Variants in SOAT2 observed in about 807,000 individuals in gnomAD.
SOAT2 encodes the protein sterol O-acyltransferase 2, also known as ACAT-2.
A neutral mutation model predicts 76.0 loss-of-function variants in SOAT2; 87 were observed. That is an observed-to-expected ratio of 1.14 (90% CI 0.96 to 1.37). The LOEUF (loss-of-function observed/expected upper bound fraction) is 1.37. SOAT2 is among the 40% of genes most tolerant of loss of function. The pLI is 0.00. For missense variants in SOAT2, 686 were observed against 682.1 expected (o/e 1.01, Z -0.06); for synonymous variants, 285 against 275.4 (o/e 1.03, Z -0.34).
At chr12:53,105,387 C>T (rs1469740864) in intron 3 of SOAT2, 144 bp downstream of exon 3, 1 of 1,238,920 alleles carries the variant, frequency 8.1e-7, no homozygotes, top group Non-Finnish European at 1.1e-6. Flanking sequence ...CACTGACCTC[C>T]ATCTACTGGG....
intron 5 of SOAT2, among the ~76,000 whole-genome samples, chr12:53,111,823 G>A (rs1264409884): frequency 1.3e-5 from 2 of 152,084 alleles, no homozygotes; most frequent in African/African-American, 4.8e-5. Context: ...CATTTGACTA[G>A]TCTTTCCTTT....
chr12:53,119,275 T>C (rs1460937582), intron 10 of SOAT2, 22 bp downstream of exon 10: 1 of 1,612,944 alleles, frequency 6.2e-7, no homozygotes. Context: ...AAGGTAGGGC[T>C]AGAGCAGCTG....
At chr12:53,112,065 G>A (rs928736343) in intron 5 of SOAT2, among the ~76,000 whole-genome samples, 3 of 152,162 alleles carry the variant, frequency 2.0e-5, no homozygotes, top group African/African-American at 7.2e-5. Context: ...TTTTCAAAAA[G>A]GGAGAATTAT....
chr12:53,116,291 C>A, intron 7 of SOAT2, 125 bp downstream of exon 7: 1 of 774,878 alleles, frequency 1.3e-6, no homozygotes. Context: ...CAGGCACAGC[C>A]CTGGCATCCA....
intron 5 of SOAT2, among the ~76,000 whole-genome samples, chr12:53,111,329 G>A (rs12227928): frequency 0.19 from 28,281 of 151,842 alleles, 3,349 homozygotes; most frequent in African/African-American, 0.35. Flanking sequence ...GGATGGTCTC[G>A]ATCTCCTGAC....
chr12:53,117,329 T>C lies in SOAT2; in HGVS notation c.779-1021T>C, dbSNP rs769241222. Among the ~76,000 whole-genome samples the C allele has an allele frequency of 1.2e-3, 171 of 142,872 alleles. 1 individual carries two copies. Among genetic ancestry groups the C allele is most frequent in the Middle Eastern group, 7.4e-3 (2 of 270 alleles). 93.7% of individuals were successfully genotyped at this position (142,872 alleles called of 152,430 possible). On this transcript the variant is annotated intron_variant, in intron 7 of 14. Transcript: ENST00000301466. ...TATGTTGCCCAGGCTGGTCTTGAACTCCTGGGCTTAAGCAATCCTCCTGCC... is the reference window on the plus strand; with the variant it reads ...TATGTTGCCCAGGCTGGTCTTGAACCCCTGGGCTTAAGCAATCCTCCTGCC...
chr12:53,103,941 T>C (rs1937882670), intron 1 of SOAT2, among the ~76,000 whole-genome samples: 1 of 152,172 alleles, frequency 6.6e-6, no homozygotes, highest in South Asian at 2.1e-4. Flanking sequence ...TTCCCAGTAA[T>C]GTCACCAGGC....
chr12:53,106,562 A>C (rs11170416), intron 5 of SOAT2, among the ~76,000 whole-genome samples: 28,365 of 152,138 alleles, frequency 0.19, 3,369 homozygotes, highest in African/African-American at 0.34. Context: ...CATACCTCCC[A>C]CTATTCCCAG....
In SOAT2 at chr12:53,103,635, C is replaced by A; in HGVS notation, c.58C>A (p.Arg20=). The stretch of plus-strand genomic sequence containing the variant: ...GAGGACAGAAGGGCTGGGAGGGGAG[C>A]GGGAGCGCCAACCCTGTGGAGATGG... ...LQRTEGLGGE[R]ERQPCGDGNT... The change falls in exon 1 of 15, where the codon CGG becomes AGG. Residue 20 remains arginine, a synonymous_variant. Transcript: ENST00000301466. The A allele has an allele frequency of 6.5e-7, 1 of 1,541,500 alleles. No homozygotes were observed.
At position 53,123,834 on chromosome 12, in the gene SOAT2, C is replaced by A. The variant is rs1316243834; in HGVS notation, c.1479C>A (p.Cys493Ter). 1 of 1,614,160 alleles carries A rather than the reference C, an allele frequency of 6.2e-7. No homozygotes were observed. The highest frequency in any genetic ancestry group is 1.3e-5 in the African/African-American group (1 of 75,018). ...LGQGIQVSLY[C>*]QEWYARRHCP... ...AGGGAATCCAGGTCAGCCTGTACTG[C>A]CAGGAGTGGTACGCACGGCGGCACT... Residue 493 changes from cysteine to a stop codon, truncating the protein, a stop_gained, in exon 14 of 15, where the codon TGC becomes TGA. Transcript: ENST00000301466. LOFTEE classifies it high-confidence loss of function.
intron 1 of SOAT2, 152 bp from the exon 2 acceptor site, chr12:53,103,999 C>T (rs1937884404): frequency 1.3e-6 from 1 of 768,166 alleles, no homozygotes; most frequent in African/African-American, 1.7e-5. Flanking sequence ...GCAACTTCCC[C>T]TTCTAGTAGC....
In SOAT2 at chr12:53,106,142, T is replaced by C. The variant is rs529236402; in HGVS notation, c.443+128T>C. ...TTTGGTTATTGGACATGTACCAACA[T>C]TGCTCCCAACAACCTTTCCACCTGA... is the stretch of plus-strand genomic sequence containing the variant. On this transcript the variant is annotated intron_variant, in intron 5 of 14. Transcript: ENST00000301466. 1.3e-5 allele frequency: 8 copies of C among 629,810 alleles called. No homozygotes were observed. The East Asian group carries it at 2.2e-4, about 17-fold the overall frequency. The allele number at this position is 629,810 out of a possible 1,614,324, so 39.0% of individuals were successfully genotyped here.
intron 5 of SOAT2, among the ~76,000 whole-genome samples, chr12:53,108,463 A>C (rs916079800): frequency 3.9e-5 from 6 of 152,248 alleles, no homozygotes; most frequent in African/African-American, 1.4e-4. Context: ...TATTGCAAAT[A>C]GTTTCCAAAT....
At position 53,115,565 on chromosome 12, in the gene SOAT2, C is replaced by G. The variant is rs766862654; in HGVS notation, c.619C>G (p.His207Asp). 3 of 1,590,486 alleles carry G rather than the reference C, an allele frequency of 1.9e-6. No homozygotes were observed. In the South Asian group the frequency reaches 3.3e-5, roughly 18 times the overall value. ...TGLGCALLAA[H>D]AVVLCALPVH... ...CCTGGGCTGTGCGCTGCTAGCCGCC[C>G]ACGCCGTGGTGCTCTGCGCGCTGCC... Residue 207 changes from histidine to aspartate, a missense_variant, in exon 6 of 15, where the codon CAC (histidine) becomes GAC (aspartate). His to Asp is a moderately conservative substitution (Grantham distance 81, BLOSUM62 -1). Coordinates refer to ENST00000301466, the MANE Select transcript of SOAT2 (RefSeq NM_003578.4).
At position 53,105,933 on chromosome 12, in the gene SOAT2, G is replaced by A. The variant is rs767503783; in HGVS notation, c.362G>A (p.Arg121His). The part of the protein sequence containing the change: ...LDELMEVQHF[R>H]TIYHMFIAGL... ...GAGCTGATGGAGGTGCAGCATTTCC[G>A]CACCATCTACCACATGTTCATCGCT... The change falls in exon 5 of 15, where the codon CGC becomes CAC. Residue 121 changes from arginine (R) to histidine (H), a missense_variant. By Grantham distance (29) the Arg-to-His change is conservative. Coordinates refer to ENST00000301466, the MANE Select transcript of SOAT2 (RefSeq NM_003578.4). The A allele has an allele frequency of 3.4e-5, 53 of 1,548,330 alleles. No homozygotes were observed. The Admixed American group carries it at 4.3e-4, about 13-fold the overall frequency.
Position 53,123,215 on chromosome 12 carries a change from A to T in SOAT2, c.1371A>T (p.Gly457=), listed in dbSNP as rs1938221634. ...PVMLILFLVI[G]GMLNFMMHDQ... ...TGCTGATACTCTTCCTTGTCATTGG[A>T]GGTGAGCTGGTCTCTGTGCCACTGG... is the stretch of plus-strand genomic sequence containing the variant. The change falls in exon 13 of 15, where the codon GGA becomes GGT. Residue 457 remains glycine (G), a splice_region_variant and synonymous_variant. Transcript: ENST00000301466. 9 of 1,613,352 alleles carry T rather than the reference A, an allele frequency of 5.6e-6. 1 individual carries two copies. The Admixed American group carries it at 1.5e-4, about 27-fold the overall frequency.
At chr12:53,120,735 T>G (rs969679872) in intron 10 of SOAT2, 51 bp from the exon 11 acceptor site, 3 of 1,332,628 alleles carry the variant, frequency 2.3e-6, no homozygotes, top group Non-Finnish European at 2.2e-6. Context: ...GGGCTGCCTG[T>G]GGGTCCATGT....
chr12:53,117,185 T>C (rs375640283), intron 7 of SOAT2, among the ~76,000 whole-genome samples: 1 of 151,516 alleles, frequency 6.6e-6, no homozygotes, highest in African/African-American at 2.4e-5. Flanking sequence ...GGTCTCGAAC[T>C]CCTGACCTCC....
At chr12:53,105,356 C>G in intron 3 of SOAT2, 113 bp downstream of exon 3, 2 of 1,371,662 alleles carry the variant, frequency 1.5e-6, no homozygotes, top group Non-Finnish European at 9.9e-7. Flanking sequence ...AGCCTTCCCT[C>G]TTCCCCCCTT....
Sources: gnomAD v4.1 joint callset for allele counts (sites outside exome capture counted in the v4.1 genomes callset) on GRCh38, gnomAD v4.1.1 for gene constraint, MANE v1.5 for transcripts, NCBI Gene and HGNC (gene_info 2026-07-23, HGNC 2026-07-21) for gene names.